The following CLYBL variants were observed in gnomAD, a reference collection of about 807,000 sequenced individuals.
CLYBL encodes the protein citramalyl-CoA lyase, also known as citramalyl-CoA lyase, mitochondrial.
In CLYBL, 31 loss-of-function variants were observed where a neutral mutation model predicts 38.9. The observed-to-expected ratio is 0.80, with a 90% confidence interval of 0.60 to 1.08. The LOEUF is 1.08. CLYBL is among the 50% of genes least tolerant of loss of function. The probability of loss-of-function intolerance (pLI) is 0.00; values close to 1 mark genes in which losing one functional copy is unlikely to be tolerated. For synonymous variants in CLYBL, 171 were observed against 158.6 expected (o/e 1.08, Z -0.59); for missense variants, 434 against 411.6 (o/e 1.05, Z -0.47).
At chr13:99,841,534 G>T (rs2051077505) in intron 2 of CLYBL, among the ~76,000 whole-genome samples, 1 of 152,078 alleles carries the variant, frequency 6.6e-6, no homozygotes, top group South Asian at 2.1e-4. Flanking sequence ...CGAGTAGCTG[G>T]TACTACAGGC....
chr13:99,741,296 C>A (rs1259904054), intron 1 of CLYBL, among the ~76,000 whole-genome samples: 1 of 152,150 alleles, frequency 6.6e-6, no homozygotes, highest in Non-Finnish European at 1.5e-5. Context: ...GAGTCAGGGA[C>A]TTAAGCTCAG....
intron 1 of CLYBL, chr13:99,642,925 A>G (rs533975990): frequency 1.3e-5 from 2 of 152,890 alleles, no homozygotes; most frequent in East Asian, 3.9e-4. Context: ...CGCCTGGCTA[A>G]TTTTTTATTT....
chr13:99,671,126 C>T (rs1014678254), intron 1 of CLYBL, among the ~76,000 whole-genome samples: 4 of 152,140 alleles, frequency 2.6e-5, no homozygotes, highest in African/African-American at 9.7e-5. Context: ...GTTCTGCTGC[C>T]AGATTCTTTC....
At chr13:99,739,449 A>G (rs1014225469) in intron 1 of CLYBL, among the ~76,000 whole-genome samples, 5 of 152,154 alleles carry the variant, frequency 3.3e-5, no homozygotes, top group African/African-American at 7.2e-5. Flanking sequence ...GTGTCCCCCA[A>G]GGTGCCTTTC....
chr13:99,894,797 C>A (rs1319051458), downstream of CLYBL: 1 of 136,866 alleles, frequency 7.3e-6, no homozygotes, highest in African/African-American at 2.8e-5. Flanking sequence ...TAATGACAAT[C>A]TGTGACAACC....
intron 1 of CLYBL, among the ~76,000 whole-genome samples, chr13:99,682,891 C>A (rs1331561538): frequency 6.6e-6 from 1 of 151,516 alleles, no homozygotes; most frequent in African/African-American, 2.4e-5. Context: ...CACCTGTCAC[C>A]ACGCCCGGCT....
chr13:99,716,440 A>G (rs560221024), intron 1 of CLYBL, among the ~76,000 whole-genome samples: 11 of 146,406 alleles, frequency 7.5e-5, no homozygotes, highest in African/African-American at 2.3e-4. Context: ...CTGGAGTGCA[A>G]TGGCGCAATC....
chr13:99,889,933 C>T (rs1300440590), intron 7 of CLYBL, among the ~76,000 whole-genome samples: 1 of 152,148 alleles, frequency 6.6e-6, no homozygotes, highest in Non-Finnish European at 1.5e-5. Context: ...AGGATTGCCC[C>T]AGCCACCCCC....
At position 99,715,315 on chromosome 13, in the gene CLYBL, G is replaced by T. The variant is rs535440815; in HGVS notation, c.63-57509G>T. Among the ~76,000 whole-genome samples, 56 of 152,226 alleles carry T rather than the reference G, an allele frequency of 3.7e-4. 1 individual carries two copies. Among genetic ancestry groups the T allele is most frequent in the African/African-American group, 1.2e-3 (51 of 41,558 alleles). On this transcript the variant is annotated intron_variant, in intron 1 of 8. Coordinates refer to ENST00000339105, the MANE Select transcript of CLYBL (RefSeq NM_206808.5). ...CTCCACAAAGTGAAAGCTTTTTGGGGTTCCATTTCTCCAGGGATTTACTTC... is the reference window on the plus strand; with the variant it reads ...CTCCACAAAGTGAAAGCTTTTTGGGTTTCCATTTCTCCAGGGATTTACTTC...
At chr13:99,771,217 G>C (rs1166223066) in intron 1 of CLYBL, among the ~76,000 whole-genome samples, 1 of 151,810 alleles carries the variant, frequency 6.6e-6, no homozygotes, top group Non-Finnish European at 1.5e-5. Context: ...TGCTTTTTGA[G>C]TTTTTTTCCT....
intron 2 of CLYBL, among the ~76,000 whole-genome samples, chr13:99,804,495 A>G (rs2050193712): frequency 1.3e-5 from 2 of 152,050 alleles, no homozygotes; most frequent in South Asian, 4.2e-4. Context: ...TCCCTTGATG[A>G]TCAGAGAGAT....
intron 1 of CLYBL, among the ~76,000 whole-genome samples, chr13:99,768,192 CTTTT>C (rs58499426): frequency 1.9e-5 from 2 of 102,668 alleles, no homozygotes; most frequent in African/African-American, 7.7e-5. Flanking sequence ...TTTTCTTTTT[CTTTT>C]TTTTTTTTTT....
chr13:99,608,213 A>G (rs2046562898), intron 1 of CLYBL, among the ~76,000 whole-genome samples: 1 of 151,496 alleles, frequency 6.6e-6, no homozygotes, highest in African/African-American at 2.4e-5. Context: ...TTGGGATTAC[A>G]GGGCGTCCGC....
chr13:99,889,336 C>A (rs1354144986), intron 7 of CLYBL, among the ~76,000 whole-genome samples: 1 of 152,176 alleles, frequency 6.6e-6, no homozygotes, highest in Non-Finnish European at 1.5e-5. Flanking sequence ...CTTTGGTCTT[C>A]ATCATTTACT....
intron 1 of CLYBL, among the ~76,000 whole-genome samples, chr13:99,680,650 C>T (rs1171036335): frequency 6.6e-6 from 1 of 152,208 alleles, no homozygotes; most frequent in Non-Finnish European, 1.5e-5. Context: ...GCTTCCATCA[C>T]AGAATGGCCC....
chr13:99,704,690 A>G (rs548984512), intron 1 of CLYBL, among the ~76,000 whole-genome samples: 2 of 152,318 alleles, frequency 1.3e-5, no homozygotes, highest in Admixed American at 6.5e-5. Flanking sequence ...GGGCCGTTTG[A>G]CAGTCAGCAT....
intron 7 of CLYBL, among the ~76,000 whole-genome samples, chr13:99,875,109 A>C (rs889731856): frequency 6.6e-6 from 1 of 152,198 alleles, no homozygotes; most frequent in African/African-American, 2.4e-5. Flanking sequence ...ATAGCTTCAC[A>C]AGTTGGCTAA....
At chr13:99,899,318 T>C (rs1312511085), downstream of CLYBL, among the ~76,000 whole-genome samples, 2 of 152,170 alleles carry the variant, frequency 1.3e-5, no homozygotes, top group Non-Finnish European at 2.9e-5. Context: ...AGCCAAGACT[T>C]TGTTGGGTCT....
At chr13:99,700,247 G>A (rs1340704514) in intron 1 of CLYBL, among the ~76,000 whole-genome samples, 1 of 152,104 alleles carries the variant, frequency 6.6e-6, no homozygotes, top group Non-Finnish European at 1.5e-5. Flanking sequence ...GAGGTCGGGA[G>A]TTCGAGACTA....
Sources: gnomAD v4.1 joint callset for allele counts (sites outside exome capture counted in the v4.1 genomes callset) on GRCh38, gnomAD v4.1.1 for gene constraint, MANE v1.5 for transcripts, NCBI Gene and HGNC (gene_info 2026-07-23, HGNC 2026-07-21) for gene names.